Variants in TSPAN18 observed in about 807,000 individuals in gnomAD.
TSPAN18 encodes tetraspanin-18.
A neutral mutation model predicts 27.3 loss-of-function variants in TSPAN18; 14 were observed. That is an observed-to-expected ratio of 0.51 (90% CI 0.34 to 0.80). The LOEUF is 0.80. TSPAN18 is among the 30% of genes least tolerant of loss of function. The pLI, the probability that TSPAN18 is intolerant of heterozygous loss-of-function variation, is 0.01. For synonymous variants in TSPAN18, 143 were observed against 136.5 expected (o/e 1.05, Z -0.33); for missense variants, 268 against 323.9 (o/e 0.83, Z 1.32).
Position 44,930,995 on chromosome 11 carries a change from GCCC to G in TSPAN18, c.*1820_*1822del, listed in dbSNP as rs772468041. On this transcript the variant is annotated 3_prime_UTR_variant, in exon 10 of 10. Transcript: ENST00000520358. ...CCCGTGTTCCCTGGCCTGTGCGTCTGCCCCCTTCTGAGATGCAGCCAGAAGCTC... is the reference window on the plus strand; with the variant it reads ...CCCGTGTTCCCTGGCCTGTGCGTCTGCCTTCTGAGATGCAGCCAGAAGCTC... 107 of 470,768 alleles carry G rather than the reference GCCC, an allele frequency of 2.3e-4. 1 individual carries two copies. The East Asian group carries it at 5.6e-3, about 25-fold the overall frequency. The allele number at this position is 470,768 out of a possible 1,614,324, so 29.2% of individuals were successfully genotyped here.
intron 3 of TSPAN18, among the ~76,000 whole-genome samples, chr11:44,891,741 G>T (rs995999646): frequency 1.3e-5 from 2 of 152,132 alleles, no homozygotes; most frequent in Admixed American, 6.5e-5. Context: ...CCAGAGCAGG[G>T]CTATCCATCA....
intron 2 of TSPAN18, among the ~76,000 whole-genome samples, chr11:44,851,001 C>T (rs1412076360): frequency 6.6e-6 from 1 of 152,212 alleles, no homozygotes; most frequent in East Asian, 1.9e-4. Context: ...TGATCTGCTC[C>T]AGGACACACA....
At chr11:44,748,526 C>A (rs1022024787) in intron 1 of TSPAN18, among the ~76,000 whole-genome samples, 2 of 152,148 alleles carry the variant, frequency 1.3e-5, no homozygotes, top group Non-Finnish European at 2.9e-5. Flanking sequence ...ATTAGGCAGA[C>A]CGTGTGCCAA....
At chr11:44,829,735 G>A (rs756412442) in intron 2 of TSPAN18, among the ~76,000 whole-genome samples, 8 of 152,062 alleles carry the variant, frequency 5.3e-5, no homozygotes, top group Non-Finnish European at 1.2e-4. Context: ...ATAAGGGTAT[G>A]TTTAGTTTTA....
chr11:44,799,307 C>T (rs970152172), intron 2 of TSPAN18, among the ~76,000 whole-genome samples: 2 of 151,442 alleles, frequency 1.3e-5, no homozygotes, highest in Non-Finnish European at 2.9e-5. Context: ...GAGCCTGTCC[C>T]GCACCCCACC....
intron 2 of TSPAN18, among the ~76,000 whole-genome samples, chr11:44,801,324 T>C (rs1856474470): frequency 6.6e-6 from 1 of 152,358 alleles, no homozygotes; most frequent in Middle Eastern, 3.4e-3. Flanking sequence ...CTACAGCCCC[T>C]GCTTTGCTTC....
intron 2 of TSPAN18, among the ~76,000 whole-genome samples, chr11:44,789,193 G>A (rs1028190534): frequency 7.2e-5 from 11 of 152,156 alleles, no homozygotes; most frequent in Admixed American, 5.9e-4. Flanking sequence ...CAGTGTTTGC[G>A]TGACGCAGAG....
intron 1 of TSPAN18, among the ~76,000 whole-genome samples, chr11:44,738,570 G>A (rs917989692): frequency 3.3e-5 from 5 of 152,136 alleles, no homozygotes; most frequent in Non-Finnish European, 7.3e-5. Context: ...CATGGTGTTG[G>A]CAGGTTTGGT....
At chr11:44,859,552 C>T (rs776587310) in intron 2 of TSPAN18, 4 of 152,236 alleles carry the variant, frequency 2.6e-5, no homozygotes, top group East Asian at 1.9e-4. Context: ...CTCCAAAGCC[C>T]GTGCTCTTGG....
At chr11:44,822,105 G>T (rs896510297) in intron 2 of TSPAN18, among the ~76,000 whole-genome samples, 2 of 152,112 alleles carry the variant, frequency 1.3e-5, no homozygotes. Context: ...GTGGGGTGGG[G>T]GTACAGGGAT....
intron 2 of TSPAN18, among the ~76,000 whole-genome samples, chr11:44,842,566 A>C (rs1271787360): frequency 6.6e-6 from 1 of 152,180 alleles, no homozygotes; most frequent in African/African-American, 2.4e-5. Context: ...AGGGATAATA[A>C]GCGAGAGAGG....
chr11:44,885,071 C>T (rs1468116567), intron 3 of TSPAN18, among the ~76,000 whole-genome samples: 1 of 152,198 alleles, frequency 6.6e-6, no homozygotes, highest in African/African-American at 2.4e-5. Flanking sequence ...CAAAGGAGAT[C>T]TGGGTAGCTG....
At chr11:44,806,365 G>A (rs1042191709) in intron 2 of TSPAN18, among the ~76,000 whole-genome samples, 1 of 152,196 alleles carries the variant, frequency 6.6e-6, no homozygotes, top group African/African-American at 2.4e-5. Context: ...ACTGTATGAA[G>A]TCAAACATAT....
At chr11:44,759,684 A>G (rs1446331) in intron 1 of TSPAN18, among the ~76,000 whole-genome samples, 79,723 of 152,002 alleles carry the variant, frequency 0.52, 23,144 homozygotes, top group East Asian at 0.9. Context: ...TTATAAATCC[A>G]TTCACTACCC....
At chr11:44,926,853 C>T in intron 9 of TSPAN18, 96 bp downstream of exon 9, 1 of 1,410,344 alleles carries the variant, frequency 7.1e-7, no homozygotes, top group Non-Finnish European at 9.9e-7. Flanking sequence ...TCATTTCCTT[C>T]ACCTGGGACC....
chr11:44,888,104 G>A (rs1858720307), intron 3 of TSPAN18, among the ~76,000 whole-genome samples: 1 of 152,162 alleles, frequency 6.6e-6, no homozygotes, highest in Non-Finnish European at 1.5e-5. Context: ...GGCAGGCTTT[G>A]CCCGAGTTTT....
chr11:44,769,894 T>C (rs1374814485), intron 2 of TSPAN18, among the ~76,000 whole-genome samples: 1 of 152,242 alleles, frequency 6.6e-6, no homozygotes, highest in Non-Finnish European at 1.5e-5. Flanking sequence ...TGATTTCCTG[T>C]TTTCTGAAGG....
chr11:44,829,315 A>G (rs941024731), intron 2 of TSPAN18, among the ~76,000 whole-genome samples: 4 of 152,054 alleles, frequency 2.6e-5, no homozygotes, highest in Admixed American at 2.0e-4. Flanking sequence ...CTAACCCCCA[A>G]ATCCTCTGTG....
At chr11:44,735,825 G>A (rs1854779367) in intron 1 of TSPAN18, among the ~76,000 whole-genome samples, 1 of 152,076 alleles carries the variant, frequency 6.6e-6, no homozygotes, top group Non-Finnish European at 1.5e-5. Flanking sequence ...CACTGTGTTA[G>A]CCAGGATGGT....
Sources: gnomAD v4.1 joint callset for allele counts (sites outside exome capture counted in the v4.1 genomes callset) on GRCh38, gnomAD v4.1.1 for gene constraint, MANE v1.5 for transcripts, NCBI Gene and HGNC (gene_info 2026-07-23, HGNC 2026-07-21) for gene names.